GPBP1L1: variants seen among roughly 807,000 people sequenced by gnomAD.
The protein encoded by GPBP1L1 is vasculin-like protein 1.
In GPBP1L1, 23 loss-of-function variants were observed where a neutral mutation model predicts 52.5. The ratio of observed to expected loss-of-function variants is 0.44; its 90% CI spans 0.32 to 0.62. GPBP1L1 has a LOEUF of 0.62. GPBP1L1 is among the 20% of genes least tolerant of loss of function. The probability of loss-of-function intolerance (pLI) is 0.06; values close to 1 mark genes in which losing one functional copy is unlikely to be tolerated. For missense variants in GPBP1L1, 596 were observed against 579.3 expected (o/e 1.03, Z -0.30); for synonymous variants, 243 against 203.1 (o/e 1.20, Z -1.67).
At chr1:45,674,536 T>A (rs1331948081) in intron 2 of GPBP1L1, among the ~76,000 whole-genome samples, 1 of 152,216 alleles carries the variant, frequency 6.6e-6, no homozygotes, top group Non-Finnish European at 1.5e-5. Context: ...AATTTAAGAT[T>A]GTTCAACTTT....
At chr1:45,649,448 C>T (rs564315299) in intron 6 of GPBP1L1, among the ~76,000 whole-genome samples, 137 of 139,146 alleles carry the variant, frequency 9.8e-4, no homozygotes, top group African/African-American at 3.4e-3. Context: ...GTTCTTTAAT[C>T]TGGAGCTTTT....
intron 7 of GPBP1L1, among the ~76,000 whole-genome samples, chr1:45,642,213 T>A (rs1353970103): frequency 6.6e-6 from 1 of 152,136 alleles, no homozygotes; most frequent in Non-Finnish European, 1.5e-5. Context: ...TTGTCTGTAT[T>A]TTGACTCTAC....
At chr1:45,645,767 T>G (rs1003101618) in intron 6 of GPBP1L1, 14 of 310,430 alleles carry the variant, frequency 4.5e-5, no homozygotes, top group African/African-American at 3.5e-4. Flanking sequence ...CGAAGTTTTT[T>G]GTTTTTTTTT....
chr1:45,639,574 T>TAAAAA (rs60435928), intron 8 of GPBP1L1, among the ~76,000 whole-genome samples: 5 of 130,114 alleles, frequency 3.8e-5, no homozygotes, highest in East Asian at 2.3e-4. Flanking sequence ...AAAAAATAAT[T>TAAAAA]AAAAAAAAAA....
At chr1:45,629,345 C>G (rs1644497828) in intron 12 of GPBP1L1, among the ~76,000 whole-genome samples, 2 of 151,792 alleles carry the variant, frequency 1.3e-5, no homozygotes, top group South Asian at 4.2e-4. Flanking sequence ...AAAGAGCATA[C>G]TATTTTTTGG....
intron 6 of GPBP1L1, among the ~76,000 whole-genome samples, chr1:45,652,112 G>A (rs768933998): frequency 6.6e-6 from 1 of 152,128 alleles, no homozygotes; most frequent in African/African-American, 2.4e-5. Context: ...TAAGTGTTTA[G>A]CAACATCCCT....
At chr1:45,649,128 A>C (rs541875968) in intron 6 of GPBP1L1, among the ~76,000 whole-genome samples, 56 of 152,302 alleles carry the variant, frequency 3.7e-4, no homozygotes, top group African/African-American at 1.3e-3. Flanking sequence ...CACACTCAAA[A>C]AGTTTTAGAC....
chr1:45,636,383 T>G (rs1644594917), intron 8 of GPBP1L1, among the ~76,000 whole-genome samples: 1 of 152,220 alleles, frequency 6.6e-6, no homozygotes, highest in South Asian at 2.1e-4. Flanking sequence ...TACTTATAAC[T>G]GTTTCAGTTT....
intron 6 of GPBP1L1, among the ~76,000 whole-genome samples, chr1:45,650,781 A>T (rs182644156): frequency 3.6e-4 from 54 of 152,040 alleles, no homozygotes; most frequent in African/African-American, 1.3e-3. Context: ...CTTCTTTCCA[A>T]TGTATTACTC....
Position 45,629,600 on chromosome 1 carries a change from T to C in GPBP1L1, c.1248A>G (p.Lys416=), listed in dbSNP as rs1135812. The C allele has an allele frequency of 0.3, 481,936 of 1,608,392 alleles. 73,197 individuals are homozygous for C. Among genetic ancestry groups the C allele is most frequent in the South Asian group, 0.36 (32,777 of 90,910 alleles). ...CCTGCTCTGTCTTCATGTGGAACTC[T>C]TTGAGCTCATCCTCTGTGAGGGGAA... is the stretch of plus-strand genomic sequence containing the variant. ...NCLPLTEDEL[K]EFHMKTEQLR... Residue 416 remains lysine (K), a synonymous_variant, in exon 12 of 13, where the codon AAA becomes AAG. Coordinates refer to ENST00000355105, the MANE Select transcript of GPBP1L1 (RefSeq NM_021639.5).
chr1:45,651,413 C>A, intron 6 of GPBP1L1: 1 of 394,816 alleles, frequency 2.5e-6, no homozygotes, highest in South Asian at 2.3e-5. Context: ...GTGCTGACTC[C>A]TGCTTGAAAG....
At chr1:45,664,493 G>A (rs926099488) in intron 2 of GPBP1L1, among the ~76,000 whole-genome samples, 3 of 152,096 alleles carry the variant, frequency 2.0e-5, no homozygotes, top group African/African-American at 4.8e-5. Context: ...GTGAACCCGG[G>A]AGGTGGAGCT....
intron 7 of GPBP1L1, among the ~76,000 whole-genome samples, 178 bp from the exon 8 acceptor site, chr1:45,640,581 CA>C (rs1008941361): frequency 3.9e-5 from 6 of 152,096 alleles, no homozygotes; most frequent in Admixed American, 1.3e-4. Flanking sequence ...AGGAACTGTA[CA>C]AAAAAATGCA....
intron 4 of GPBP1L1, 55 bp from the exon 5 acceptor site, chr1:45,655,374 AAT>A: frequency 1.3e-6 from 2 of 1,571,334 alleles, no homozygotes; most frequent in East Asian, 2.2e-5. Flanking sequence ...AGTCCTTTTC[AAT>A]ATCTTAATAG....
At chr1:45,629,454 T>TTTCCCCCCCCCCCCCCCC (rs758811981) in intron 12 of GPBP1L1, 122 bp downstream of exon 12, 6 of 117,614 alleles carry the variant, frequency 5.1e-5, no homozygotes, top group South Asian at 1.9e-4. Flanking sequence ...ACTAAGGTAA[T>TTTCCCCCCCCCCCCCCCC]CCCCCCCCCC....
chr1:45,668,334 C>T (rs768722373), intron 2 of GPBP1L1, among the ~76,000 whole-genome samples: 1 of 151,962 alleles, frequency 6.6e-6, no homozygotes, highest in East Asian at 1.9e-4. Flanking sequence ...TTTTAAGTAC[C>T]TAATAAATTA....
At chr1:45,673,557 C>T (rs1192698906) in intron 2 of GPBP1L1, among the ~76,000 whole-genome samples, 1 of 152,198 alleles carries the variant, frequency 6.6e-6, no homozygotes, top group Non-Finnish European at 1.5e-5. Flanking sequence ...GATACACAAC[C>T]ATGCTTTTAA....
At chr1:45,682,847 G>T (rs960980284) in intron 2 of GPBP1L1, among the ~76,000 whole-genome samples, 2 of 152,148 alleles carry the variant, frequency 1.3e-5, no homozygotes, top group African/African-American at 4.8e-5. Context: ...TATTTTCCAA[G>T]TTTGATTATA....
chr1:45,656,190 G>GA (rs1464240276), intron 4 of GPBP1L1: 3 of 152,116 alleles, frequency 2.0e-5, no homozygotes, highest in Non-Finnish European at 2.9e-5. Context: ...AGGTCAGAGA[G>GA]AAAAAATAAG....
Sources: gnomAD v4.1 joint callset for allele counts (sites outside exome capture counted in the v4.1 genomes callset) on GRCh38, gnomAD v4.1.1 for gene constraint, MANE v1.5 for transcripts, NCBI Gene and HGNC (gene_info 2026-07-23, HGNC 2026-07-21) for gene names.